The following OR52N4 variants were observed in gnomAD, a reference collection of about 807,000 sequenced individuals.
OR52N4 encodes olfactory receptor 52N4.
Under a neutral mutation model 15.0 loss-of-function variants are expected in OR52N4, and 15 were observed. The observed-to-expected ratio is 1.00, with a 90% CI of 0.67 to 1.54. OR52N4 has a LOEUF of 1.54. Ranked by LOEUF, OR52N4 falls within the 40% of genes most tolerant of loss-of-function variation. OR52N4 has a pLI of 0.00. For synonymous variants in OR52N4, 143 were observed against 143.7 expected, an observed-to-expected ratio of 1.00 and a Z score of 0.03; for missense variants, 421 against 394.0, an observed-to-expected ratio of 1.07 and a Z score of -0.58.
chr11:5,736,806 A>C, the OR52N4 span: 3 of 1,613,978 alleles, frequency 1.9e-6, no homozygotes, highest in East Asian at 6.7e-5. Context: ...TTCTGGTTTG[A>C]TGCCAAGGTT....
At position 5,755,672 on chromosome 11, in the gene OR52N4, C is replaced by A; in HGVS notation, c.932C>A (p.Ser311Ter). The A allele has an allele frequency of 6.2e-7, 1 of 1,613,640 alleles. No individual in the cohort carries two copies. The highest frequency in any genetic ancestry group is 8.5e-7 in the Non-Finnish European group (1 of 1,179,710). ...CGAGACTGTGTCATAAGGATCCTTT[C>A]AGGTTCTAAGGATACCAAATCCTAC... ...QIRDCVIRIL[S>*]GSKDTKSYSM The change falls in exon 2 of 2, where the codon TCA becomes TAA. Residue 311 changes from serine (S) to a stop codon, truncating the protein, a stop_gained. Transcript: ENST00000641350. LOFTEE classifies it high-confidence loss of function.
At position 5,755,652 on chromosome 11, in the gene OR52N4, CTG is replaced by C. The variant is rs767050608; in HGVS notation, c.916_917del (p.Val306HisfsTer8). Reference protein sequence around the residue: ...YGVKTKQIRDCVIRILSGSKD... With the variant: ...YGVKTKQIRDXVIRILSGSKD... ...GGGTGAAAACCAAACAGATACGAGA[CTG>C]TGTCATAAGGATCCTTTCAGGTTCT... On this transcript the variant is annotated frameshift_variant, in exon 2 of 2. Coordinates refer to ENST00000641350, the MANE Select transcript of OR52N4 (RefSeq NM_001005175.5). LOFTEE classifies it high-confidence loss of function. 2 of 1,613,754 alleles carry C rather than the reference CTG, an allele frequency of 1.2e-6. No homozygotes were observed. Among genetic ancestry groups the C allele is most frequent in the Non-Finnish European group, 1.7e-6 (2 of 1,179,746 alleles).
upstream of OR52N4, among the ~76,000 whole-genome samples, chr11:5,751,451 TC>T (rs966639302): frequency 3.3e-5 from 5 of 152,050 alleles, no homozygotes; most frequent in Non-Finnish European, 5.9e-5. Context: ...TAAAACTTTC[TC>T]TTTTTTTTCC....
upstream of OR52N4, among the ~76,000 whole-genome samples, chr11:5,753,339 AG>A (rs1854227361): frequency 6.6e-6 from 1 of 152,154 alleles, no homozygotes; most frequent in South Asian, 2.1e-4. Flanking sequence ...TACCAAAAAA[AG>A]GTGCTTTGTC....
At chr11:5,728,612 A>G in the OR52N4 span, among the ~76,000 whole-genome samples, 1 of 152,212 alleles carries the variant, frequency 6.6e-6, no homozygotes, top group Non-Finnish European at 1.5e-5. Flanking sequence ...GAGGGAACAC[A>G]AAACTCCCTT....
At chr11:5,731,076 C>A in the OR52N4 span, among the ~76,000 whole-genome samples, 2 of 151,980 alleles carry the variant, frequency 1.3e-5, no homozygotes, top group Non-Finnish European at 2.9e-5. Flanking sequence ...GTATACTGTT[C>A]AGTTAATAGA....
At chr11:5,751,419 T>G (rs12363725), upstream of OR52N4, among the ~76,000 whole-genome samples, 13,975 of 151,968 alleles carry the variant, frequency 0.092, 809 homozygotes, top group East Asian at 0.25. Context: ...TTATGTTGTT[T>G]AGCTTTTCTA....
At chr11:5,729,632 T>G in the OR52N4 span, among the ~76,000 whole-genome samples, 5 of 152,342 alleles carry the variant, frequency 3.3e-5, no homozygotes, top group East Asian at 9.6e-4. Flanking sequence ...TAAGCACTGC[T>G]TGTTCATAAC....
rs1564959384 is a variant in OR52N4, at chr11:5,755,685, T to C, written c.945T>C (p.Asp315=). The change falls in exon 2 of 2, where the codon GAT becomes GAC. Residue 315 remains aspartate, a synonymous_variant. Transcript: ENST00000641350. The part of the protein sequence containing the change: ...CVIRILSGSK[D]TKSYSM ...TAAGGATCCTTTCAGGTTCTAAGGA[T>C]ACCAAATCCTACAGCATGTGAATGA... is the stretch of plus-strand genomic sequence containing the variant. 4 of 1,613,176 alleles carry C rather than the reference T, an allele frequency of 2.5e-6. No individual in the cohort carries two copies. Among genetic ancestry groups the C allele is most frequent in the East Asian group, 2.2e-5 (1 of 44,826 alleles).
the OR52N4 span, among the ~76,000 whole-genome samples, chr11:5,744,078 A>T: frequency 1.3e-5 from 2 of 152,180 alleles, no homozygotes; most frequent in East Asian, 3.8e-4. Flanking sequence ...AGATTATTAG[A>T]GACTATAATG....
At chr11:5,745,859 A>C in the OR52N4 span, among the ~76,000 whole-genome samples, 1 of 152,280 alleles carries the variant, frequency 6.6e-6, no homozygotes, top group East Asian at 1.9e-4. Flanking sequence ...CTTCAACTAC[A>C]ATGCTATAGT....
chr11:5,753,604 G>A (rs1854232043), upstream of OR52N4, among the ~76,000 whole-genome samples: 1 of 152,104 alleles, frequency 6.6e-6, no homozygotes. Context: ...AAACTTCATT[G>A]ACTTTTTTAA....
chr11:5,737,247 C>A, the OR52N4 span: 1 of 1,614,126 alleles, frequency 6.2e-7, no homozygotes, highest in Non-Finnish European at 8.5e-7. Flanking sequence ...GAAGCTGCAG[C>A]CAAGGCCCTG....
chr11:5,745,507 C>T, the OR52N4 span, among the ~76,000 whole-genome samples: 2 of 152,046 alleles, frequency 1.3e-5, no homozygotes, highest in Admixed American at 1.3e-4. Flanking sequence ...TGAAAGATCT[C>T]TACAAGGAGA....
chr11:5,737,394 C>T, the OR52N4 span: 1 of 1,614,100 alleles, frequency 6.2e-7, no homozygotes, highest in Non-Finnish European at 8.5e-7. Flanking sequence ...ATCATCCCCC[C>T]TTCCCTCAAC....
In OR52N4 at chr11:5,755,516, TCTC is replaced by T; in HGVS notation, c.779_781del (p.Ser260del). 1.2e-6 allele frequency: 2 copies of T among 1,613,874 alleles called. No individual in the cohort carries two copies. The highest frequency in any genetic ancestry group is 8.5e-7 in the Non-Finnish European group (1 of 1,179,820). On this transcript the variant is annotated inframe_deletion, in exon 2 of 2. Transcript: ENST00000641350. ...GTTTTCTCCTATACTCCAGCTTTCT[TCTC>T]CTTCTTTTCCCACCGCTTTGGGGAA...
chr11:5,742,532 G>C, the OR52N4 span, among the ~76,000 whole-genome samples: 3 of 152,144 alleles, frequency 2.0e-5, no homozygotes, highest in South Asian at 6.2e-4. Context: ...CTCCTCAACA[G>C]AAATCTTACA....
chr11:5,751,032 T>C (rs1344603807), upstream of OR52N4, among the ~76,000 whole-genome samples: 1 of 152,004 alleles, frequency 6.6e-6, no homozygotes, highest in Non-Finnish European at 1.5e-5. Flanking sequence ...AAAAACCTTA[T>C]CAAACTTGGA....
In OR52N4 at chr11:5,754,700, C is replaced by A; in HGVS notation, c.-41C>A. On this transcript the variant is annotated 5_prime_UTR_variant, in exon 2 of 2. Coordinates refer to ENST00000641350, the MANE Select transcript of OR52N4 (RefSeq NM_001005175.5). ...TTTTTTTTTTAACTCTAGGAAAGCC[C>A]AGACAAATTTTGAGCTATTTCATAA... The A allele has an allele frequency of 2.0e-6, 3 of 1,535,424 alleles. No individual in the cohort carries two copies. The highest frequency in any genetic ancestry group is 2.3e-5 in the East Asian group (1 of 43,856).
Sources: allele counts gnomAD v4.1 joint callset (sites outside exome capture counted in the v4.1 genomes callset), GRCh38; gene constraint gnomAD v4.1.1; transcripts MANE v1.5; gene names NCBI Gene and HGNC (gene_info 2026-07-23, HGNC 2026-07-21).